Variants in RNF115 observed in about 807,000 individuals in gnomAD.
The protein encoded by RNF115 is E3 ubiquitin-protein ligase RNF115.
A neutral mutation model predicts 39.2 loss-of-function variants in RNF115; 31 were observed. The observed-to-expected ratio is 0.79, with a 90% CI of 0.59 to 1.07. The LOEUF (loss-of-function observed/expected upper bound fraction) is 1.07, where lower values mean the gene tolerates loss of function less well. Among genes scored for constraint, RNF115 ranks in the 50% least tolerant of loss-of-function variants. The pLI, the probability that RNF115 is intolerant of heterozygous loss-of-function variation, is 0.00. For missense variants in RNF115, 384 were observed against 381.7 expected, an observed-to-expected ratio of 1.01 and a Z score of -0.05; for synonymous variants, 124 against 131.0, an observed-to-expected ratio of 0.95 and a Z score of 0.37.
At chr1:145,750,266 T>C (rs1658025237) in intron 7 of RNF115, 141 bp downstream of exon 7, 2 of 673,524 alleles carry the variant, frequency 3.0e-6, no homozygotes, top group Non-Finnish European at 4.9e-6. Context: ...AGGTCCTTAA[T>C]ATAGGAAGGT....
chr1:145,768,771 A>G (rs1228236725), intron 4 of RNF115, among the ~76,000 whole-genome samples: 4 of 152,222 alleles, frequency 2.6e-5, no homozygotes, highest in African/African-American at 4.8e-5. Context: ...AATTCAATCA[A>G]TTTTTAAAAA....
chr1:145,805,879 A>G (rs1203131888), intron 1 of RNF115, among the ~76,000 whole-genome samples: 1 of 152,138 alleles, frequency 6.6e-6, no homozygotes, highest in Non-Finnish European at 1.5e-5. Flanking sequence ...CTAGAATACA[A>G]TTTATATATA....
At chr1:145,806,247 C>G (rs1279230887) in intron 1 of RNF115, among the ~76,000 whole-genome samples, 1 of 152,076 alleles carries the variant, frequency 6.6e-6, no homozygotes, top group African/African-American at 2.4e-5. Context: ...GCTCAGGAAG[C>G]TGAAGCAGGA....
intron 1 of RNF115, among the ~76,000 whole-genome samples, chr1:145,810,784 T>A (rs1649658455): frequency 1.4e-5 from 2 of 143,474 alleles, no homozygotes; most frequent in East Asian, 2.0e-4. Context: ...ACTGGATTTT[T>A]AAAATCTGTA....
rs898595039 is a variant in RNF115, at chr1:145,743,143, T to C, written c.*3723A>G. 3.9e-5 allele frequency: 6 copies of C among 152,242 alleles called. No homozygotes were observed. Among genetic ancestry groups the C allele is most frequent in the African/African-American group, 1.4e-4 (6 of 41,448 alleles). The allele number at this position is 152,242 out of a possible 1,614,324, so 9.4% of individuals were successfully genotyped here. A position where few individuals can be genotyped will look rare whatever the true frequency, so the allele number is the denominator to read the frequency against. On this transcript the variant is annotated 3_prime_UTR_variant, in exon 9 of 9. Coordinates refer to ENST00000582693, the MANE Select transcript of RNF115 (RefSeq NM_014455.4). Reference sequence around the variant, plus strand: ...CACATGATGCCCAGATATTTGGTCATACAGTATTCTGGGTGTGTCTGTGAA... The same window carrying C: ...CACATGATGCCCAGATATTTGGTCACACAGTATTCTGGGTGTGTCTGTGAA...
chr1:145,779,559 C>A (rs1271085133), intron 3 of RNF115, among the ~76,000 whole-genome samples: 1 of 152,160 alleles, frequency 6.6e-6, no homozygotes, highest in Non-Finnish European at 1.5e-5. Flanking sequence ...ATACAATATA[C>A]TCTTATGACA....
chr1:145,797,686 T>TA (rs1649045208), intron 1 of RNF115, among the ~76,000 whole-genome samples: 1 of 152,216 alleles, frequency 6.6e-6, no homozygotes, highest in South Asian at 2.1e-4. Flanking sequence ...GATTACATAG[T>TA]AATTCTATTT....
At chr1:145,778,779 G>A (rs1178871974) in intron 3 of RNF115, among the ~76,000 whole-genome samples, 1 of 152,144 alleles carries the variant, frequency 6.6e-6, no homozygotes, top group Non-Finnish European at 1.5e-5. Context: ...TTCAACAGAG[G>A]AATGATGTAG....
At chr1:145,787,483 A>C (rs1559120676) in intron 2 of RNF115, among the ~76,000 whole-genome samples, 1 of 151,492 alleles carries the variant, frequency 6.6e-6, no homozygotes, top group Non-Finnish European at 1.5e-5. Flanking sequence ...GAGGCAGGAG[A>C]ATCACTTGAA....
chr1:145,750,527 G>A (rs782184499), intron 6 of RNF115, 27 bp from the exon 7 acceptor site: 24 of 1,567,986 alleles, frequency 1.5e-5, no homozygotes, highest in South Asian at 3.3e-5. Context: ...AGAAAAAGAC[G>A]AAGTGGCAGA....
chr1:145,764,800 A>G (rs1208855899), intron 4 of RNF115, among the ~76,000 whole-genome samples: 11 of 141,656 alleles, frequency 7.8e-5, no homozygotes, highest in Middle Eastern at 8.3e-3. Context: ...CGGGAGGGAG[A>G]TGGGGGGTGC....
intron 2 of RNF115, among the ~76,000 whole-genome samples, chr1:145,787,980 T>C (rs1553718368): frequency 6.6e-6 from 1 of 152,210 alleles, no homozygotes; most frequent in African/African-American, 2.4e-5. Context: ...ATATTTCCCC[T>C]TTTTATCAGC....
At chr1:145,767,028 C>T (rs1281380994) in intron 4 of RNF115, among the ~76,000 whole-genome samples, 3 of 140,282 alleles carry the variant, frequency 2.1e-5, no homozygotes, top group Non-Finnish European at 4.6e-5. Context: ...CGGGCAGAGG[C>T]GCCCCTCACC....
rs1657713143 is a variant in RNF115 at position 145,742,243 on chromosome 1, G to C, written c.*4623C>G. On this transcript the variant is annotated 3_prime_UTR_variant, in exon 9 of 9. Transcript: ENST00000582693. Reference sequence around the variant, plus strand: ...CATATTTAATTTGCATTTCTTGAGGGAATAGCACCTGGAAACCAGGGAGAA... The same window carrying C: ...CATATTTAATTTGCATTTCTTGAGGCAATAGCACCTGGAAACCAGGGAGAA... The C allele has an allele frequency of 6.6e-6, 1 of 152,100 alleles. No individual in the cohort carries two copies. Among genetic ancestry groups the C allele is most frequent in the South Asian group, 2.1e-4 (1 of 4,824 alleles). 9.4% of individuals were successfully genotyped at this position (152,100 alleles called of 1,614,324 possible).
Position 145,784,611 on chromosome 1 carries a change from A to C in RNF115, c.162-15T>G, listed in dbSNP as rs782536122. 1.2e-6 allele frequency: 2 copies of C among 1,612,104 alleles called. No homozygotes were observed. Among genetic ancestry groups the C allele is most frequent in the African/African-American group, 2.7e-5 (2 of 74,876 alleles). On this transcript the variant is annotated splice_polypyrimidine_tract_variant and intron_variant, in intron 2 of 8. Coordinates refer to ENST00000582693, the MANE Select transcript of RNF115 (RefSeq NM_014455.4). ...CACCTAAAAAACTAAAGAGAAAAGG[A>C]ATGAGTGGTGATTCTATTCCCAGGA...
chr1:145,771,753 G>A lies in RNF115; in HGVS notation c.386C>T (p.Ser129Phe). ...TCTGTCAGGACGAGAACTTCCTCGA[G>A]ATCTGTATCTCCGACCCAATGGCAA... ...PRLPLGRRYR[S>F]RGSSRPDRSP... Residue 129 changes from serine to phenylalanine, a missense_variant, in exon 4 of 9, where the codon TCT becomes TTT. Transcript: ENST00000582693. 4 of 1,614,142 alleles carry A rather than the reference G, an allele frequency of 2.5e-6. No homozygotes were observed. The highest frequency in any genetic ancestry group is 3.4e-6 in the Non-Finnish European group (4 of 1,180,008).
At chr1:145,823,454 T>G (rs1650386230) in intron 1 of RNF115, among the ~76,000 whole-genome samples, 1 of 143,996 alleles carries the variant, frequency 6.9e-6, no homozygotes, top group Non-Finnish European at 1.5e-5. Flanking sequence ...AAAGACCAGG[T>G]ATAAAAGAAT....
chr1:145,786,794 C>T (rs949446858), intron 2 of RNF115, among the ~76,000 whole-genome samples: 1 of 152,172 alleles, frequency 6.6e-6, no homozygotes, highest in Non-Finnish European at 1.5e-5. Flanking sequence ...ATGGCACAAA[C>T]AAAAAGCTAT....
In RNF115 at chr1:145,751,478, T is replaced by C. The variant is rs1658085655; in HGVS notation, c.533A>G (p.Tyr178Cys). 6.3e-7 allele frequency: 1 copy of C among 1,597,458 alleles called. No individual in the cohort carries two copies. The highest frequency in any genetic ancestry group is 8.5e-7 in the Non-Finnish European group (1 of 1,171,596). Residue 178 changes from tyrosine (Y) to cysteine (C), a missense_variant, in exon 6 of 9, where the codon TAT (tyrosine) becomes TGT (cysteine). By Grantham distance (194) the Tyr-to-Cys change is radical. Transcript: ENST00000582693. ...SGMLHSNPGD[Y>C]AWGQTGLDAI... is the part of the protein sequence containing the mutation. ...ATCAAGCCCTGTCTGACCCCAGGCA[T>C]AGTCCCCAGGGTTGGAGTGCAGCAT...
Sources: gnomAD v4.1 joint callset for allele counts (sites outside exome capture counted in the v4.1 genomes callset) on GRCh38, gnomAD v4.1.1 for gene constraint, MANE v1.5 for transcripts, NCBI Gene and HGNC (gene_info 2026-07-23, HGNC 2026-07-21) for gene names.